Variants in TNS1 observed in about 807,000 individuals in gnomAD.
TNS1 encodes the protein tensin-1.
In TNS1, 62 loss-of-function variants were observed where a neutral mutation model predicts 168.6. The ratio of observed to expected loss-of-function variants is 0.37; its 90% CI spans 0.30 to 0.45. The LOEUF (loss-of-function observed/expected upper bound fraction) is 0.45. Among genes scored for constraint, TNS1 ranks in the 20% least tolerant of loss-of-function variants. The probability of loss-of-function intolerance (pLI) is 1.00; values close to 1 mark genes in which losing one functional copy is unlikely to be tolerated. For synonymous variants in TNS1, 934 were observed against 933.2 expected (o/e 1.00, Z -0.02); for missense variants, 2,240 against 2,339.4 (o/e 0.96, Z 0.88).
intron 18 of TNS1, among the ~76,000 whole-genome samples, chr2:217,868,225 C>G (rs993423490): frequency 5.9e-5 from 9 of 152,222 alleles, no homozygotes; most frequent in African/African-American, 2.2e-4. Flanking sequence ...AAGGTTAGGC[C>G]TATCCTTATG....
chr2:217,886,215 C>A, intron 13 of TNS1, 111 bp from the exon 14 acceptor site: 2 of 1,178,190 alleles, frequency 1.7e-6, no homozygotes, highest in South Asian at 1.4e-5. Flanking sequence ...TGGGGGAAGA[C>A]GGGGTAGGAA....
At chr2:217,962,628 G>C (rs1957527997) in intron 3 of TNS1, among the ~76,000 whole-genome samples, 1 of 152,164 alleles carries the variant, frequency 6.6e-6, no homozygotes, top group Non-Finnish European at 1.5e-5. Flanking sequence ...ATGGGGATAA[G>C]GCACCATTCT....
chr2:217,850,624 C>CAT (rs1491433366), intron 18 of TNS1: 36 of 915,402 alleles, frequency 3.9e-5, no homozygotes, highest in Middle Eastern at 5.6e-4. Context: ...CACACACACA[C>CAT]GCACGCACGC....
At chr2:217,942,368 C>T (rs529758722) in intron 3 of TNS1, among the ~76,000 whole-genome samples, 1 of 152,334 alleles carries the variant, frequency 6.6e-6, no homozygotes, top group Non-Finnish European at 1.5e-5. Context: ...AAGCCAACCC[C>T]AAGTTGGGTC....
chr2:217,805,514 C>CACT (rs1938534301), intron 32 of TNS1, among the ~76,000 whole-genome samples: 1 of 8,266 alleles, frequency 1.2e-4, no homozygotes, highest in African/African-American at 3.2e-4. Context: ...CCACCACACA[C>CACT]ACCACACACA....
At chr2:218,016,711 C>T (rs1456425024) in intron 1 of TNS1, among the ~76,000 whole-genome samples, 1 of 152,170 alleles carries the variant, frequency 6.6e-6, no homozygotes, top group Non-Finnish European at 1.5e-5. Context: ...GAATGGACCC[C>T]CCCAGAAAGA....
chr2:217,917,172 G>C (rs551262106), intron 4 of TNS1, among the ~76,000 whole-genome samples: 24 of 152,120 alleles, frequency 1.6e-4, no homozygotes, highest in African/African-American at 5.5e-4. Context: ...CTTCCCCCAT[G>C]GCCCCCCACC....
At position 217,897,800 on chromosome 2, in the gene TNS1, G is replaced by A. The variant is rs1952480463; in HGVS notation, c.541C>T (p.Leu181=). ...MLKSKHGGNY[L]LFNLSERRPD... The stretch of plus-strand genomic sequence containing the variant: ...TGGGCACGAGGATCCATCCTCACCA[G>A]GTAGTTGCCTCCATGTTTGGACTTG... Residue 181 remains leucine, a splice_region_variant and synonymous_variant, in exon 8 of 33, where the codon CTG becomes TTG. Coordinates refer to ENST00000682258, the MANE Select transcript of TNS1 (RefSeq NM_001387777.1). 7 of 1,597,798 alleles carry A rather than the reference G, an allele frequency of 4.4e-6. No individual in the cohort carries two copies. The highest frequency in any genetic ancestry group is 1.3e-5 in the African/African-American group (1 of 74,830).
intron 3 of TNS1, among the ~76,000 whole-genome samples, chr2:217,974,883 C>T (rs1378361808): frequency 6.6e-6 from 1 of 152,188 alleles, no homozygotes; most frequent in Non-Finnish European, 1.5e-5. Flanking sequence ...GTGTCACCCT[C>T]CAAGATGGCC....
intron 21 of TNS1, among the ~76,000 whole-genome samples, 170 bp from the exon 22 acceptor site, chr2:217,831,717 T>G (rs1303687010): frequency 6.6e-6 from 1 of 152,086 alleles, no homozygotes; most frequent in African/African-American, 2.4e-5. Context: ...GCCTCCGTAT[T>G]TCTCTACATT....
At chr2:218,017,511 T>C (rs1958772202) in intron 1 of TNS1, among the ~76,000 whole-genome samples, 1 of 152,192 alleles carries the variant, frequency 6.6e-6, no homozygotes, top group Non-Finnish European at 1.5e-5. Context: ...CCCAGAGCAG[T>C]TGAGAGCATG....
intron 3 of TNS1, among the ~76,000 whole-genome samples, chr2:217,951,738 G>A (rs1225736563): frequency 1.3e-5 from 2 of 152,122 alleles, no homozygotes; most frequent in Non-Finnish European, 2.9e-5. Context: ...TTGCTTCAGG[G>A]AACAAATCTC....
At chr2:217,980,880 G>T (rs74989682) in intron 2 of TNS1, among the ~76,000 whole-genome samples, 3,021 of 152,116 alleles carry the variant, frequency 0.02, 109 homozygotes, top group African/African-American at 0.067. Context: ...GCACCCCATC[G>T]TTCCCTGGAC....
intron 3 of TNS1, among the ~76,000 whole-genome samples, chr2:217,920,536 CAG>C (rs1422836422): frequency 6.6e-6 from 1 of 150,448 alleles, no homozygotes; most frequent in Non-Finnish European, 1.5e-5. Context: ...ATTTCAATAA[CAG>C]AAGCTTCAGG....
Position 217,848,956 on chromosome 2 carries a change from C to T in TNS1, c.1561G>A (p.Val521Met), listed in dbSNP as rs745375281. 22 of 1,613,930 alleles carry T rather than the reference C, an allele frequency of 1.4e-5. No individual in the cohort carries two copies. The highest frequency in any genetic ancestry group is 3.3e-4 in the Middle Eastern group (2 of 6,084). The part of the protein sequence containing the change: ...RPTLSATPNH[V>M]EHTLSVSSDS... ...CTGCTCACAGAAAGCGTGTGTTCCA[C>T]GTGGTTGGGGGTGGCCGACAGTGTA... Residue 521 changes from valine (V) to methionine (M), a missense_variant, in exon 19 of 33, where the codon GTG (valine) becomes ATG (methionine). Around this residue, in one of 2 missense-constraint regions of TNS1, gnomAD observed 2,131 missense variants for 2,171.2 expected, o/e 0.98. Transcript: ENST00000682258.
chr2:217,966,170 C>A (rs1957623227), intron 3 of TNS1, among the ~76,000 whole-genome samples: 1 of 152,012 alleles, frequency 6.6e-6, no homozygotes, highest in African/African-American at 2.4e-5. Flanking sequence ...AAATATGAGA[C>A]CTTTGGGGAG....
At chr2:217,939,872 G>A (rs1956821861) in intron 3 of TNS1, among the ~76,000 whole-genome samples, 1 of 152,242 alleles carries the variant, frequency 6.6e-6, no homozygotes, top group Non-Finnish European at 1.5e-5. Flanking sequence ...GGGAAGTTGA[G>A]GTGGGGCAAG....
chr2:217,864,498 TC>T (rs1050765230), intron 18 of TNS1, among the ~76,000 whole-genome samples: 8 of 152,150 alleles, frequency 5.3e-5, no homozygotes, highest in African/African-American at 1.9e-4. Context: ...TCTTTCTGCT[TC>T]CCAGAAAGGA....
chr2:217,979,721 G>A (rs1347974516), intron 2 of TNS1, among the ~76,000 whole-genome samples: 4 of 152,138 alleles, frequency 2.6e-5, no homozygotes, highest in Non-Finnish European at 4.4e-5. Flanking sequence ...GGGGTCTCCC[G>A]AGTTGGGTTT....
Sources: allele counts gnomAD v4.1 joint callset (sites outside exome capture counted in the v4.1 genomes callset), GRCh38; gene constraint gnomAD v4.1.1; regional missense constraint gnomAD v4.1.1; transcripts MANE v1.5; gene names NCBI Gene and HGNC (gene_info 2026-07-23, HGNC 2026-07-21).